Variants in CBFA2T2 observed in about 807,000 individuals in gnomAD.
The protein encoded by CBFA2T2 is protein CBFA2T2.
CBFA2T2 carries 11 observed loss-of-function variants against 62.2 expected under a neutral mutation model. The observed-to-expected ratio is 0.18, with a 90% confidence interval of 0.11 to 0.29. The LOEUF (loss-of-function observed/expected upper bound fraction) is 0.29. Among genes scored for constraint, CBFA2T2 ranks in the 10% least tolerant of loss-of-function variants. The pLI is 1.00. For synonymous variants in CBFA2T2, 295 were observed against 287.5 expected (o/e 1.03, Z -0.27); for missense variants, 592 against 774.1 (o/e 0.76, Z 2.79).
intron 2 of CBFA2T2, among the ~76,000 whole-genome samples, chr20:33,609,885 A>G (rs570601207): frequency 6.6e-6 from 1 of 152,246 alleles, no homozygotes; most frequent in South Asian, 2.1e-4. Context: ...ATGTTTTTAG[A>G]TAAAGTTTCA....
chr20:33,569,836 A>G (rs537450146), intron 1 of CBFA2T2, among the ~76,000 whole-genome samples: 78 of 152,356 alleles, frequency 5.1e-4, no homozygotes, highest in Admixed American at 1.4e-3. Context: ...ACATAGGGCC[A>G]TTTCTGTTGG....
chr20:33,564,032 C>G (rs889442794), intron 1 of CBFA2T2, among the ~76,000 whole-genome samples: 5 of 152,154 alleles, frequency 3.3e-5, no homozygotes, highest in Non-Finnish European at 7.3e-5. Flanking sequence ...TTGTTCCCCC[C>G]ACTCCGCGAC....
chr20:33,575,514 T>G (rs183009850), intron 1 of CBFA2T2, among the ~76,000 whole-genome samples: 2 of 152,316 alleles, frequency 1.3e-5, no homozygotes, highest in Admixed American at 1.3e-4. Context: ...GCTTGGGAAG[T>G]TCTGTCTTAA....
chr20:33,513,564 T>C (rs1021030507), intron 1 of CBFA2T2, among the ~76,000 whole-genome samples: 11 of 151,584 alleles, frequency 7.3e-5, no homozygotes, highest in African/African-American at 2.7e-4. Context: ...GGTTTCACCA[T>C]GTTGGCCAGG....
At chr20:33,525,726 A>G (rs2011868737) in intron 1 of CBFA2T2, among the ~76,000 whole-genome samples, 1 of 152,136 alleles carries the variant, frequency 6.6e-6, no homozygotes, top group African/African-American at 2.4e-5. Context: ...GTCACAGCTC[A>G]TCGCAGCCTC....
chr20:33,598,261 C>T (rs984286793), intron 1 of CBFA2T2, among the ~76,000 whole-genome samples: 1 of 152,140 alleles, frequency 6.6e-6, no homozygotes, highest in Admixed American at 6.6e-5. Flanking sequence ...CGGGAATTTC[C>T]TCTTCCTAAT....
At chr20:33,490,589 CG>C (rs1450514179) in intron 1 of CBFA2T2, among the ~76,000 whole-genome samples, 1 of 152,172 alleles carries the variant, frequency 6.6e-6, no homozygotes, top group Non-Finnish European at 1.5e-5. Context: ...GACTTGCCGG[CG>C]GGCAAGAATC....
chr20:33,518,004 A>G (rs2011633803), intron 1 of CBFA2T2, among the ~76,000 whole-genome samples: 2 of 151,054 alleles, frequency 1.3e-5, no homozygotes, highest in South Asian at 4.2e-4. Flanking sequence ...GCTGGAGTGC[A>G]GTGGTGCAAT....
rs780082458 is a variant in CBFA2T2, at chr20:33,644,328, T to C, written c.1489-19T>C. On this transcript the variant is annotated intron_variant, in intron 10 of 10. Coordinates refer to ENST00000342704, the MANE Select transcript of CBFA2T2 (RefSeq NM_001032999.3). Reference sequence around the variant, plus strand: ...CCCCTCAATCCCAGCAACCACTAACTGATGCCTGTGTCTTGCAGAACTGCT... The same window carrying C: ...CCCCTCAATCCCAGCAACCACTAACCGATGCCTGTGTCTTGCAGAACTGCT... 1 of 1,598,636 alleles carries C rather than the reference T, an allele frequency of 6.3e-7. No individual in the cohort carries two copies. The highest frequency in any genetic ancestry group is 1.1e-5 in the South Asian group (1 of 89,348).
At position 33,646,298 on chromosome 20, in the gene CBFA2T2, CCTGT is replaced by C. The variant is rs2017047913; in HGVS notation, c.*1655_*1658del. The C allele has an allele frequency of 6.6e-6, 1 of 152,270 alleles. No individual in the cohort carries two copies. The highest frequency in any genetic ancestry group is 6.5e-5 in the Admixed American group (1 of 15,270). 9.4% of individuals were successfully genotyped at this position (152,270 alleles called of 1,614,324 possible). On this transcript the variant is annotated 3_prime_UTR_variant, in exon 11 of 11. Coordinates refer to ENST00000342704, the MANE Select transcript of CBFA2T2 (RefSeq NM_001032999.3). The stretch of plus-strand genomic sequence containing the variant: ...TACAAGCGTGAGCCACCATGCCCGG[CCTGT>C]CTTTTTGGTTTTGATGGGAGTCTGA...
intron 1 of CBFA2T2, among the ~76,000 whole-genome samples, chr20:33,509,896 G>T (rs1394268567): frequency 6.6e-6 from 1 of 150,846 alleles, no homozygotes; most frequent in African/African-American, 2.4e-5. Flanking sequence ...AGGTATACAT[G>T]TGCCATGTTG....
At chr20:33,594,516 G>T (rs543545889) in intron 1 of CBFA2T2, among the ~76,000 whole-genome samples, 28 of 152,016 alleles carry the variant, frequency 1.8e-4, no homozygotes, top group African/African-American at 6.5e-4. Context: ...CACCGAGCCC[G>T]GCCTACTGCT....
At chr20:33,612,603 T>G (rs1245812117) in intron 3 of CBFA2T2, among the ~76,000 whole-genome samples, 1 of 152,230 alleles carries the variant, frequency 6.6e-6, no homozygotes, top group Non-Finnish European at 1.5e-5. Context: ...GATAAAACAG[T>G]GCTGCTCTTC....
chr20:33,535,646 T>G (rs1201830910), intron 1 of CBFA2T2, among the ~76,000 whole-genome samples: 1 of 148,976 alleles, frequency 6.7e-6, no homozygotes, highest in Non-Finnish European at 1.5e-5. Context: ...ACCTTTTAAA[T>G]ATTTATTTAT....
At position 33,547,148 on chromosome 20, in the gene CBFA2T2, C is replaced by T. The variant is rs142095602; in HGVS notation, c.34+56847C>T. On this transcript the variant is annotated intron_variant, in intron 1 of 10. Coordinates refer to ENST00000342704, the MANE Select transcript of CBFA2T2 (RefSeq NM_001032999.3). ...CCAGGAGGCAGAGGTTGCAGTGAGC[C>T]GAGATTGTGCAGTTGCACTCTAGCC... 1.7e-3 allele frequency among the ~76,000 whole-genome samples: 252 copies of T among 152,078 alleles called. 1 individual carries two copies. The highest frequency in any genetic ancestry group is 5.8e-3 in the African/African-American group (240 of 41,506).
chr20:33,571,682 C>T (rs369623312), intron 1 of CBFA2T2, among the ~76,000 whole-genome samples: 4 of 152,172 alleles, frequency 2.6e-5, no homozygotes, highest in Admixed American at 2.6e-4. Context: ...AATTTTCCTT[C>T]TAGGTTAATA....
At chr20:33,550,021 C>G in intron 1 of CBFA2T2, among the ~76,000 whole-genome samples, 1 of 152,170 alleles carries the variant, frequency 6.6e-6, no homozygotes, top group East Asian at 1.9e-4. Context: ...TCAATAAATA[C>G]CTGTCTTATA....
chr20:33,593,567 A>G (rs1426554279), intron 1 of CBFA2T2, among the ~76,000 whole-genome samples: 1 of 151,050 alleles, frequency 6.6e-6, no homozygotes, highest in Non-Finnish European at 1.5e-5. Flanking sequence ...TAATTTTTGT[A>G]TTTTCACTAG....
intron 1 of CBFA2T2, among the ~76,000 whole-genome samples, chr20:33,573,453 A>C (rs2013662162): frequency 6.6e-6 from 1 of 151,656 alleles, no homozygotes; most frequent in South Asian, 2.1e-4. Context: ...ATTGTTTCTC[A>C]GTTTTTGAGT....
Sources: allele counts gnomAD v4.1 joint callset (sites outside exome capture counted in the v4.1 genomes callset), GRCh38; gene constraint gnomAD v4.1.1; transcripts MANE v1.5; gene names NCBI Gene and HGNC (gene_info 2026-07-23, HGNC 2026-07-21).